Variants in KMO observed in about 807,000 individuals in gnomAD.
KMO encodes kynurenine 3-monooxygenase.
A neutral mutation model predicts 57.8 loss-of-function variants in KMO; 24 were observed. That is an observed-to-expected ratio of 0.42 (90% confidence interval 0.30 to 0.58). The LOEUF is 0.58. KMO is among the 20% of genes least tolerant of loss of function. KMO has a pLI of 0.22. For missense variants in KMO, 483 were observed against 588.2 expected (o/e 0.82, Z 1.85); for synonymous variants, 210 against 193.6 (o/e 1.08, Z -0.70).
intron 10 of KMO, among the ~76,000 whole-genome samples, chr1:241,575,947 A>G: frequency 6.6e-6 from 1 of 151,244 alleles, no homozygotes; most frequent in East Asian, 1.9e-4. Context: ...CTCCAGTGTT[A>G]GGTGCCTATA....
chr1:241,533,659 A>G (rs1450316373), intron 1 of KMO, among the ~76,000 whole-genome samples: 5 of 152,356 alleles, frequency 3.3e-5, no homozygotes, highest in Admixed American at 2.6e-4. Flanking sequence ...CTATGTACCA[A>G]TATTGTTTTA....
At chr1:241,552,931 C>T (rs1164156459) in intron 4 of KMO, among the ~76,000 whole-genome samples, 2 of 152,182 alleles carry the variant, frequency 1.3e-5, no homozygotes, top group Non-Finnish European at 2.9e-5. Flanking sequence ...GTCAGAGCTC[C>T]TCAGTTCTTA....
Position 241,594,722 on chromosome 1 carries a change from A to T in KMO, c.*2569A>T. 6.3e-7 allele frequency: 1 copy of T among 1,599,454 alleles called. No individual in the cohort carries two copies. Among genetic ancestry groups the T allele is most frequent in the Non-Finnish European group, 8.5e-7 (1 of 1,173,282 alleles). On this transcript the variant is annotated 3_prime_UTR_variant, in exon 15 of 15. Transcript: ENST00000366559. Reference sequence around the variant, plus strand: ...CAGAGAAAAAATAAAGTGGAATATTAAGTAAAAGTTGGGCACTAATCTGGA... The same window carrying T: ...CAGAGAAAAAATAAAGTGGAATATTTAGTAAAAGTTGGGCACTAATCTGGA...
At chr1:241,562,002 T>A in intron 6 of KMO, 165 bp from the exon 7 acceptor site, 1 of 608,894 alleles carries the variant, frequency 1.6e-6, no homozygotes, top group Non-Finnish European at 2.9e-6. Context: ...GGGACAAGTG[T>A]TTTCATCTAA....
chr1:241,571,461 C>T (rs1447951829), intron 10 of KMO, among the ~76,000 whole-genome samples: 1 of 152,148 alleles, frequency 6.6e-6, no homozygotes, highest in African/African-American at 2.4e-5. Flanking sequence ...TATATTCCTT[C>T]TATACCCAGT....
At chr1:241,539,167 G>C (rs899040972) in intron 1 of KMO, among the ~76,000 whole-genome samples, 6 of 152,120 alleles carry the variant, frequency 3.9e-5, no homozygotes, top group African/African-American at 1.4e-4. Flanking sequence ...TGGATTGCCT[G>C]AGCTCAAGAG....
At chr1:241,560,780 A>G in intron 6 of KMO, 28 bp downstream of exon 6, 1 of 1,474,608 alleles carries the variant, frequency 6.8e-7, no homozygotes, top group Non-Finnish European at 9.5e-7. Flanking sequence ...TTTGGACTTC[A>G]GAGGTGAAAG....
intron 6 of KMO, 109 bp from the exon 7 acceptor site, chr1:241,562,058 T>G: frequency 1.1e-5 from 9 of 833,952 alleles, no homozygotes; most frequent in Non-Finnish European, 1.7e-5. Flanking sequence ...CATGTGAAAG[T>G]GAGCTTTCTA....
At chr1:241,587,288 C>A (rs1663038750) in intron 11 of KMO, among the ~76,000 whole-genome samples, 1 of 152,210 alleles carries the variant, frequency 6.6e-6, no homozygotes. Context: ...CACTGCTGAT[C>A]TGACAGGAGG....
chr1:241,549,869 T>C, intron 3 of KMO, 95 bp downstream of exon 3: 1 of 787,496 alleles, frequency 1.3e-6, no homozygotes, highest in Non-Finnish European at 2.1e-6. Context: ...TACCATTTAA[T>C]ACCAAGAATC....
At chr1:241,543,573 A>G (rs539460710) in intron 1 of KMO, among the ~76,000 whole-genome samples, 42 of 152,288 alleles carry the variant, frequency 2.8e-4, no homozygotes, top group African/African-American at 9.6e-4. Context: ...AAGGCACTAC[A>G]CTGAACAACC....
chr1:241,564,355 T>C (rs1351217744), intron 7 of KMO, among the ~76,000 whole-genome samples: 1 of 152,154 alleles, frequency 6.6e-6, no homozygotes, highest in African/African-American at 2.4e-5. Context: ...ACCCAAGCAA[T>C]TAATACTTAT....
At chr1:241,589,043 C>T (rs148044826) in intron 12 of KMO, among the ~76,000 whole-genome samples, 1 of 152,306 alleles carries the variant, frequency 6.6e-6, no homozygotes, top group East Asian at 1.9e-4. Context: ...TCTCTATCTA[C>T]ACTTTAAGGA....
rs778032951 is a variant in KMO at position 241,588,764 on chromosome 1, G to C, written c.1032G>C (p.Val344=). 13 of 1,612,566 alleles carry C rather than the reference G, an allele frequency of 8.1e-6. No individual in the cohort carries two copies. The highest frequency in any genetic ancestry group is 8.5e-7 in the Non-Finnish European group (1 of 1,178,944). The part of the protein sequence containing the change: ...FSNDLSLCLP[V]FSRLRIPDDH... The stretch of plus-strand genomic sequence containing the variant: ...AACTTACAGGTTTGTGTCTTCCTGT[G>C]TTCTCAAGATTGAGAATCCCAGATG... The change falls in exon 12 of 15, where the codon GTG becomes GTC. Residue 344 remains valine (V), a synonymous_variant. Coordinates refer to ENST00000366559, the MANE Select transcript of KMO (RefSeq NM_003679.5).
intron 1 of KMO, among the ~76,000 whole-genome samples, chr1:241,548,414 G>A (rs1364052685): frequency 2.0e-5 from 3 of 152,184 alleles, no homozygotes; most frequent in Non-Finnish European, 2.9e-5. Context: ...GAAGAGGACT[G>A]TAACTGGGGA....
At position 241,562,187 on chromosome 1, in the gene KMO, A is replaced by T; in HGVS notation, c.470A>T (p.Asp157Val). The T allele has an allele frequency of 6.2e-7, 1 of 1,614,022 alleles. No individual in the cohort carries two copies. The highest frequency in any genetic ancestry group is 8.5e-7 in the Non-Finnish European group (1 of 1,179,964). The change falls in exon 7 of 15, where the codon GAT becomes GTT. Residue 157 changes from aspartate (D) to valine (V), a missense_variant. Physicochemically the swap from Asp to Val is radical, Grantham distance 152. Transcript: ENST00000366559. ...TTCAGATCTGACAAAGTTCCCAAAG[A>T]TGTCACTTGTGACCTCATTGTAGGA... is the stretch of plus-strand genomic sequence containing the variant. The part of the protein sequence containing the change: ...TVLGSDKVPK[D>V]VTCDLIVGCD...
intron 10 of KMO, among the ~76,000 whole-genome samples, chr1:241,576,745 T>C (rs1300823860): frequency 1.3e-5 from 2 of 152,168 alleles, no homozygotes; most frequent in Non-Finnish European, 2.9e-5. Context: ...CTTTTTGTAA[T>C]GAATCTCCCA....
At position 241,594,489 on chromosome 1, in the gene KMO, A is replaced by G. The variant is rs756746865; in HGVS notation, c.*2336A>G. The G allele has an allele frequency of 1.2e-6, 2 of 1,614,134 alleles. No individual in the cohort carries two copies. The highest frequency in any genetic ancestry group is 2.2e-5 in the South Asian group (2 of 91,088). Reference sequence around the variant, plus strand: ...CCCATTGGTTTTGTCGCTGTCGTCAACTGACAGTGATTCATCACTGGTGAT... The same window carrying G: ...CCCATTGGTTTTGTCGCTGTCGTCAGCTGACAGTGATTCATCACTGGTGAT... On this transcript the variant is annotated 3_prime_UTR_variant, in exon 15 of 15. Transcript: ENST00000366559.
chr1:241,577,514 C>G (rs1396030101), intron 10 of KMO, among the ~76,000 whole-genome samples: 4 of 151,960 alleles, frequency 2.6e-5, no homozygotes, highest in Non-Finnish European at 5.9e-5. Flanking sequence ...TCTGTGGGTT[C>G]CTTGGTTATG....
Sources: gnomAD v4.1 joint callset for allele counts (sites outside exome capture counted in the v4.1 genomes callset) on GRCh38, gnomAD v4.1.1 for gene constraint, MANE v1.5 for transcripts, NCBI Gene and HGNC (gene_info 2026-07-23, HGNC 2026-07-21) for gene names.